Variants in ZKSCAN5 observed in about 807,000 individuals in gnomAD.
The protein encoded by ZKSCAN5 is zinc finger with KRAB and SCAN domains 5, also known as zinc finger protein with KRAB and SCAN domains 5.
In ZKSCAN5, 28 loss-of-function variants were observed where a neutral mutation model predicts 60.0. The observed-to-expected ratio is 0.47, with a 90% CI of 0.35 to 0.64. The LOEUF (loss-of-function observed/expected upper bound fraction) is 0.64, where lower values mean the gene tolerates loss of function less well. ZKSCAN5 is among the 30% of genes least tolerant of loss of function. The pLI is 0.01. For missense variants in ZKSCAN5, 881 were observed against 1,034.6 expected, an observed-to-expected ratio of 0.85 and a Z score of 2.04; for synonymous variants, 361 against 371.2, an observed-to-expected ratio of 0.97 and a Z score of 0.31.
chr7:99,515,319 A>G (rs1344482647), intron 3 of ZKSCAN5, among the ~76,000 whole-genome samples: 2 of 151,766 alleles, frequency 1.3e-5, no homozygotes, highest in African/African-American at 4.8e-5. Flanking sequence ...AGACAGGAGA[A>G]TGGCTTGAAC....
chr7:99,522,564 C>T (rs1801585402), intron 5 of ZKSCAN5, among the ~76,000 whole-genome samples: 1 of 151,504 alleles, frequency 6.6e-6, no homozygotes, highest in Non-Finnish European at 1.5e-5. Flanking sequence ...ACCTCTGCCT[C>T]CCGGGTTCAA....
rs758582854 is a variant in ZKSCAN5 at position 99,507,453 on chromosome 7, A to G, written c.414+995A>G. ...AATGTATGTGTTTGCGTATATATGT[A>G]TATATATGCGTATATATGTGTATAT... On this transcript the variant is annotated intron_variant, in intron 2 of 6. Transcript: ENST00000326775. 3.3e-4 allele frequency among the ~76,000 whole-genome samples: 49 copies of G among 150,182 alleles called. 1 individual carries two copies. In the Middle Eastern group the frequency reaches 0.025, roughly 76 times the overall value.
In ZKSCAN5 at chr7:99,525,985, G is replaced by A; in HGVS notation, c.945G>A (p.Val315=). ...MVQRWQVNPT[V]GKSRQNPSQK... ...AAAGGTGGCAGGTCAACCCCACTGT[G>A]GGGAAATCAAGGCAGAATCCTTCCC... is the stretch of plus-strand genomic sequence containing the variant. Residue 315 remains valine, a synonymous_variant, in exon 6 of 7, where the codon GTG becomes GTA. Coordinates refer to ENST00000326775, the MANE Select transcript of ZKSCAN5 (RefSeq NM_145102.4). 1 of 1,614,074 alleles carries A rather than the reference G, an allele frequency of 6.2e-7. No homozygotes were observed. The highest frequency in any genetic ancestry group is 8.5e-7 in the Non-Finnish European group (1 of 1,180,036).
intron 3 of ZKSCAN5, among the ~76,000 whole-genome samples, chr7:99,514,686 C>T (rs1248012267): frequency 6.6e-6 from 1 of 152,084 alleles, no homozygotes; most frequent in Non-Finnish European, 1.5e-5. Context: ...GCGGGCAGAT[C>T]ACCTGAGGTC....
At chr7:99,507,934 A>T (rs1051985367) in intron 2 of ZKSCAN5, among the ~76,000 whole-genome samples, 2 of 152,112 alleles carry the variant, frequency 1.3e-5, no homozygotes, top group African/African-American at 2.4e-5. Flanking sequence ...AAAAAAATTT[A>T]AATTGAAAAA....
At chr7:99,514,045 C>CA (rs796731525) in intron 3 of ZKSCAN5, among the ~76,000 whole-genome samples, 18 of 152,074 alleles carry the variant, frequency 1.2e-4, no homozygotes, top group African/African-American at 3.9e-4. Context: ...AACTCCGTCT[C>CA]AAAAAAGAAA....
Position 99,507,509 on chromosome 7 carries a change from ATG to A in ZKSCAN5, c.414+1057_414+1058del, listed in dbSNP as rs1244520879. ...TATATATGTATATATGTGTATATAT[ATG>A]TGTGTATATATGTATATGTGTATAT... On this transcript the variant is annotated intron_variant, in intron 2 of 6. Coordinates refer to ENST00000326775, the MANE Select transcript of ZKSCAN5 (RefSeq NM_145102.4). Among the ~76,000 whole-genome samples, 364 of 137,346 alleles carry A rather than the reference ATG, an allele frequency of 2.7e-3. 4 individuals carry two copies. The highest frequency in any genetic ancestry group is 0.016 in the East Asian group (61 of 3,794). 90.1% of individuals were successfully genotyped at this position (137,346 alleles called of 152,430 possible).
intron 2 of ZKSCAN5, among the ~76,000 whole-genome samples, chr7:99,510,902 C>G (rs760457553): frequency 2.0e-5 from 3 of 152,050 alleles, no homozygotes; most frequent in Non-Finnish European, 4.4e-5. Context: ...TGCTACCAGG[C>G]CTGGCTAATT....
chr7:99,520,491 C>A (rs1584189270), intron 5 of ZKSCAN5, among the ~76,000 whole-genome samples, 187 bp downstream of exon 5: 1 of 151,412 alleles, frequency 6.6e-6, no homozygotes, highest in South Asian at 2.1e-4. Context: ...TGATCATTTC[C>A]ATCTTAATAA....
chr7:99,523,896 G>A (rs892700340), intron 5 of ZKSCAN5, among the ~76,000 whole-genome samples: 1 of 152,048 alleles, frequency 6.6e-6, no homozygotes, highest in African/African-American at 2.4e-5. Flanking sequence ...GATTATGGTA[G>A]CTCCCTTAAA....
At chr7:99,524,136 T>A (rs1801669305) in intron 5 of ZKSCAN5, among the ~76,000 whole-genome samples, 1 of 151,132 alleles carries the variant, frequency 6.6e-6, no homozygotes, top group South Asian at 2.1e-4. Flanking sequence ...AGTGGTGTGA[T>A]CTCAACTCAC....
chr7:99,512,949 G>T (rs1470101780), intron 3 of ZKSCAN5, among the ~76,000 whole-genome samples: 1 of 150,708 alleles, frequency 6.6e-6, no homozygotes, highest in Non-Finnish European at 1.5e-5. Context: ...CTAGCATTAG[G>T]TATATCTCCC....
At chr7:99,520,399 T>C (rs1385029771) in intron 5 of ZKSCAN5, 95 bp downstream of exon 5, 1 of 1,425,020 alleles carries the variant, frequency 7.0e-7, no homozygotes, top group Non-Finnish European at 9.4e-7. Flanking sequence ...ATTTATGTTT[T>C]ATGTGCTATG....
At position 99,506,097 on chromosome 7, in the gene ZKSCAN5, C is replaced by T. The variant is rs1210238092; in HGVS notation, c.53C>T (p.Thr18Ile). The change falls in exon 2 of 7, where the codon ACT becomes ATT. Residue 18 changes from threonine to isoleucine, a missense_variant. Around this residue, in one of 5 missense-constraint regions of ZKSCAN5, gnomAD observed 88 missense variants for 65.2 expected, o/e 1.35. Coordinates refer to ENST00000326775, the MANE Select transcript of ZKSCAN5 (RefSeq NM_145102.4). ...ATAGACTTAGACCCCCCAGCTGAGA[C>T]TTCCCAGGAGCAGGAAGACCTTTTC... is the stretch of plus-strand genomic sequence containing the variant. ...EVIDLDPPAE[T>I]SQEQEDLFIV... 1.2e-6 allele frequency: 2 copies of T among 1,614,056 alleles called. No individual in the cohort carries two copies. Among genetic ancestry groups the T allele is most frequent in the African/African-American group, 2.7e-5 (2 of 74,930 alleles).
In ZKSCAN5 at chr7:99,525,832, T is replaced by C. The variant is rs1801755258; in HGVS notation, c.792T>C (p.Asn264=). The C allele has an allele frequency of 6.2e-7, 1 of 1,612,530 alleles. No individual in the cohort carries two copies. The highest frequency in any genetic ancestry group is 8.5e-7 in the Non-Finnish European group (1 of 1,178,776). Residue 264 remains asparagine (N), a synonymous_variant, in exon 6 of 7, where the codon AAT becomes AAC. Coordinates refer to ENST00000326775, the MANE Select transcript of ZKSCAN5 (RefSeq NM_145102.4). The stretch of plus-strand genomic sequence containing the variant: ...TTTCAGGTTATGAGTCCAGGGACAA[T>C]ATGGAGCTCATAGTGAAGCAGATTT... ...ITSMGYESRD[N]MELIVKQISD...
rs1302448394 is a variant in ZKSCAN5, at chr7:99,533,482, T to TGTCCA, written c.*1238_*1242dup. 2.3e-6 allele frequency: 1 copy of TGTCCA among 432,586 alleles called. No homozygotes were observed. The highest frequency in any genetic ancestry group is 3.3e-5 in the East Asian group (1 of 30,666). 26.8% of individuals were successfully genotyped at this position (432,586 alleles called of 1,614,324 possible). A position where few individuals can be genotyped will look rare whatever the true frequency, so the allele number is the denominator to read the frequency against. On this transcript the variant is annotated 3_prime_UTR_variant, in exon 7 of 7. Coordinates refer to ENST00000326775, the MANE Select transcript of ZKSCAN5 (RefSeq NM_145102.4). ...ATATGTGTTGTACACTGTGGTGCCCTGTCCAGTCCCCTCTACCAAGCTGAG... is the reference window on the plus strand; with the variant it reads ...ATATGTGTTGTACACTGTGGTGCCCTGTCCAGTCCAGTCCCCTCTACCAAGCTGAG...
chr7:99,518,537 G>A (rs931374933), intron 3 of ZKSCAN5, among the ~76,000 whole-genome samples: 3 of 152,090 alleles, frequency 2.0e-5, no homozygotes, highest in Non-Finnish European at 4.4e-5. Flanking sequence ...CCTAGGGGAT[G>A]TAGGTGATTT....
In ZKSCAN5 at chr7:99,525,890, G is replaced by A; in HGVS notation, c.850G>A (p.Glu284Lys). The change falls in exon 6 of 7, where the codon GAA (glutamate) becomes AAA (lysine). Residue 284 changes from glutamate to lysine, a missense_variant. Physicochemically the swap from Glu to Lys is moderately conservative, Grantham distance 56. Coordinates refer to ENST00000326775, the MANE Select transcript of ZKSCAN5 (RefSeq NM_145102.4). ...CTCTGAATCACACTGGGTGGCGCCA[G>A]AACACACCGAAAGGAGCGTTCCTCA... ...DDSESHWVAP[E>K]HTERSVPQDP... 6.2e-7 allele frequency: 1 copy of A among 1,614,036 alleles called. No individual in the cohort carries two copies. The highest frequency in any genetic ancestry group is 8.5e-7 in the Non-Finnish European group (1 of 1,180,026).
rs768105859 is a variant in ZKSCAN5, at chr7:99,506,239, G to T, written c.195G>T (p.Arg65=). The change falls in exon 2 of 7, where the codon CGG becomes CGT. Residue 65 remains arginine, a synonymous_variant. Coordinates refer to ENST00000326775, the MANE Select transcript of ZKSCAN5 (RefSeq NM_145102.4). ...AGTACCATGAGGCTTCAGGACCCCG[G>T]GAGGCTCTCAGCCAACTCCGGGTGC... ...HFQYHEASGP[R]EALSQLRVLC... The T allele has an allele frequency of 3.1e-6, 5 of 1,614,202 alleles. No homozygotes were observed. Among genetic ancestry groups the T allele is most frequent in the Non-Finnish European group, 4.2e-6 (5 of 1,180,038 alleles).
Sources: allele counts gnomAD v4.1 joint callset (sites outside exome capture counted in the v4.1 genomes callset), GRCh38; gene constraint gnomAD v4.1.1; regional missense constraint gnomAD v4.1.1; transcripts MANE v1.5; gene names NCBI Gene and HGNC (gene_info 2026-07-23, HGNC 2026-07-21).